The following ITGBL1 variants were observed in gnomAD, a reference collection of about 807,000 sequenced individuals.
ITGBL1 encodes the protein integrin subunit beta like 1, also known as integrin beta-like protein 1.
Under a neutral mutation model 68.5 loss-of-function variants are expected in ITGBL1, and 51 were observed. The ratio of observed to expected loss-of-function variants is 0.74; its 90% CI spans 0.59 to 0.94. ITGBL1 has a LOEUF of 0.94. Ranked by LOEUF, ITGBL1 falls within the 40% of genes least tolerant of loss-of-function variation. ITGBL1 has a pLI of 0.00. For synonymous variants in ITGBL1, 209 were observed against 227.3 expected (o/e 0.92, Z 0.72); for missense variants, 649 against 647.4 (o/e 1.00, Z -0.03).
At chr13:101,600,367 A>G (rs1005062408) in intron 7 of ITGBL1, among the ~76,000 whole-genome samples, 9 of 152,300 alleles carry the variant, frequency 5.9e-5, no homozygotes, top group African/African-American at 1.2e-4. Flanking sequence ...TAGATATACA[A>G]TCATGTCATC....
intron 7 of ITGBL1, among the ~76,000 whole-genome samples, chr13:101,651,438 T>G (rs1281899618): frequency 6.6e-6 from 1 of 152,234 alleles, no homozygotes; most frequent in Non-Finnish European, 1.5e-5. Flanking sequence ...TGACCTTTTT[T>G]CGTATATTTG....
At chr13:101,713,538 T>G (rs1367644075) in intron 9 of ITGBL1, 1 of 152,186 alleles carries the variant, frequency 6.6e-6, no homozygotes. Context: ...CCTTTTTATT[T>G]GTTTCTTTTT....
At chr13:101,513,890 G>C (rs1489464620) in intron 2 of ITGBL1, among the ~76,000 whole-genome samples, 1 of 152,010 alleles carries the variant, frequency 6.6e-6, no homozygotes, top group Non-Finnish European at 1.5e-5. Flanking sequence ...GAACAACTTA[G>C]TAATGTATAA....
At chr13:101,606,354 C>A (rs1252287569) in intron 7 of ITGBL1, among the ~76,000 whole-genome samples, 1 of 151,156 alleles carries the variant, frequency 6.6e-6, no homozygotes, top group East Asian at 1.9e-4. Flanking sequence ...GATTTCTATA[C>A]CATATTGGCT....
intron 7 of ITGBL1, among the ~76,000 whole-genome samples, chr13:101,661,798 G>A (rs1245261675): frequency 1.3e-5 from 2 of 151,798 alleles, no homozygotes. Flanking sequence ...GAAAAGACTA[G>A]GTTTAGAAAG....
intron 7 of ITGBL1, among the ~76,000 whole-genome samples, chr13:101,673,207 T>C (rs1057374817): frequency 5.9e-5 from 9 of 152,210 alleles, no homozygotes; most frequent in African/African-American, 9.6e-5. Flanking sequence ...CCTTTTTCAC[T>C]TGGCAGGATA....
At chr13:101,719,605 A>G (rs1171171639), downstream of ITGBL1, 1 of 152,128 alleles carries the variant, frequency 6.6e-6, no homozygotes, top group Non-Finnish European at 1.5e-5. Context: ...CACTTGAAAT[A>G]CCAAAACAAC....
Position 101,598,157 on chromosome 13 carries a change from T to C in ITGBL1, c.873T>C (p.His291=). Residue 291 remains histidine, a synonymous_variant, in exon 7 of 11, where the codon CAT becomes CAC. Coordinates refer to ENST00000376180, the MANE Select transcript of ITGBL1 (RefSeq NM_004791.3). ...DRYSDDFCSG[H]GQCNCGRCDC... is the part of the protein sequence containing the mutation. Reference sequence around the variant, plus strand: ...TTTGCCACTCTCACTGTGAAGGTCATGGACAGTGTAATTGCGGAAGATGTG... The same window carrying C: ...TTTGCCACTCTCACTGTGAAGGTCACGGACAGTGTAATTGCGGAAGATGTG... 1.2e-6 allele frequency: 2 copies of C among 1,612,122 alleles called. No individual in the cohort carries two copies. Among genetic ancestry groups the C allele is most frequent in the South Asian group, 1.1e-5 (1 of 90,704 alleles).
At chr13:101,656,956 C>CTT (rs61061404) in intron 7 of ITGBL1, among the ~76,000 whole-genome samples, 3 of 137,666 alleles carry the variant, frequency 2.2e-5, no homozygotes, top group Non-Finnish European at 3.2e-5. Flanking sequence ...TTCTTTTTTT[C>CTT]TTTTTTTTTT....
At chr13:101,629,524 A>T (rs973191390) in intron 7 of ITGBL1, among the ~76,000 whole-genome samples, 1 of 152,104 alleles carries the variant, frequency 6.6e-6, no homozygotes, top group Non-Finnish European at 1.5e-5. Flanking sequence ...CAAGGTCTCA[A>T]ATTTAATGGT....
At chr13:101,595,007 G>T (rs1033392282) in intron 6 of ITGBL1, among the ~76,000 whole-genome samples, 4 of 152,296 alleles carry the variant, frequency 2.6e-5, no homozygotes, top group Admixed American at 6.5e-5. Flanking sequence ...CTGGGAGTTG[G>T]AGATTGCAGT....
At chr13:101,616,780 T>TAA (rs2031380924) in intron 7 of ITGBL1, among the ~76,000 whole-genome samples, 2 of 152,170 alleles carry the variant, frequency 1.3e-5, no homozygotes, top group African/African-American at 4.8e-5. Flanking sequence ...TGTGAGCCGC[T>TAA]GCAGGCAGCC....
rs577330517 is a variant in ITGBL1, at chr13:101,574,442, T to C, written c.464-982T>C. Among the ~76,000 whole-genome samples, 3 of 152,302 alleles carry C rather than the reference T, an allele frequency of 2.0e-5. No individual in the cohort carries two copies. In the South Asian group the frequency reaches 6.2e-4, roughly 32 times the overall value. On this transcript the variant is annotated intron_variant, in intron 3 of 10. Coordinates refer to ENST00000376180, the MANE Select transcript of ITGBL1 (RefSeq NM_004791.3). ...ACTGGTCTCAGTTAAATCCCCTTGC[T>C]ATGTGCTTCTGCAACACTTTGCACT...
intron 8 of ITGBL1, among the ~76,000 whole-genome samples, chr13:101,700,300 C>G (rs2034106038): frequency 1.3e-5 from 2 of 152,218 alleles, no homozygotes; most frequent in South Asian, 4.1e-4. Flanking sequence ...TTTCTTCTAG[C>G]TAGAAAACTT....
At chr13:101,563,032 A>G (rs912113721) in intron 2 of ITGBL1, among the ~76,000 whole-genome samples, 4 of 151,616 alleles carry the variant, frequency 2.6e-5, no homozygotes, top group African/African-American at 9.7e-5. Flanking sequence ...TTAATAGGAA[A>G]TCTCAAAGGA....
At chr13:101,460,053 C>G (rs1313460458) in intron 2 of ITGBL1, among the ~76,000 whole-genome samples, 2 of 152,086 alleles carry the variant, frequency 1.3e-5, no homozygotes, top group Non-Finnish European at 2.9e-5. Flanking sequence ...TCCCTCCAAG[C>G]CTACTTGTGG....
chr13:101,462,303 A>G (rs1436725563), intron 2 of ITGBL1, among the ~76,000 whole-genome samples: 3 of 152,210 alleles, frequency 2.0e-5, no homozygotes, highest in Non-Finnish European at 4.4e-5. Flanking sequence ...CAAGACTCAT[A>G]AACTTCATCA....
intron 2 of ITGBL1, among the ~76,000 whole-genome samples, chr13:101,528,497 AATTT>A (rs1215847489): frequency 2.6e-5 from 4 of 151,678 alleles, no homozygotes; most frequent in African/African-American, 9.7e-5. Flanking sequence ...TATATTTATT[AATTT>A]ATTTGTGCCA....
In ITGBL1 at chr13:101,554,813, A is replaced by T. The variant is rs185335048; in HGVS notation, c.317-12886A>T. The stretch of plus-strand genomic sequence containing the variant: ...TTCATAGCTTTTCTATGCATTTCTC[A>T]TACTGGCATCACATTTTTCTGAATA... On this transcript the variant is annotated intron_variant, in intron 2 of 10. Coordinates refer to ENST00000376180, the MANE Select transcript of ITGBL1 (RefSeq NM_004791.3). Among the ~76,000 whole-genome samples, 416 of 152,288 alleles carry T rather than the reference A, an allele frequency of 2.7e-3. 2 individuals carry two copies. Among genetic ancestry groups the T allele is most frequent in the African/African-American group, 9.1e-3 (377 of 41,548 alleles).
Sources: allele counts gnomAD v4.1 joint callset (sites outside exome capture counted in the v4.1 genomes callset), GRCh38; gene constraint gnomAD v4.1.1; transcripts MANE v1.5; gene names NCBI Gene and HGNC (gene_info 2026-07-23, HGNC 2026-07-21).